TRERF1: variants seen among roughly 807,000 people sequenced by gnomAD.
TRERF1 encodes the protein transcriptional-regulating factor 1.
Under a neutral mutation model 122.9 loss-of-function variants are expected in TRERF1, and 27 were observed. That is an observed-to-expected ratio of 0.22 (90% CI 0.16 to 0.30). The LOEUF is 0.30. TRERF1 is among the 10% of genes least tolerant of loss of function. The pLI is 1.00. For missense variants in TRERF1, 1,248 were observed against 1,560.3 expected, an observed-to-expected ratio of 0.80 and a Z score of 3.37; for synonymous variants, 636 against 641.7, an observed-to-expected ratio of 0.99 and a Z score of 0.13.
Position 42,393,574 on chromosome 6 carries a change from C to G in TRERF1, c.-453-30495G>C, listed in dbSNP as rs73733174. Among the ~76,000 whole-genome samples the G allele has an allele frequency of 0.033, 4,965 of 152,306 alleles. 215 individuals carry two copies. Among genetic ancestry groups the G allele is most frequent in the East Asian group, 0.11 (594 of 5,182 alleles). On this transcript the variant is annotated intron_variant, in intron 2 of 17. Coordinates refer to ENST00000372922, the Ensembl canonical transcript of TRERF1. The surrounding 1 kb of genome is among the most constrained non-coding windows in gnomAD (Gnocchi z 4.1). ...TGGCAAAACCTGAAACTAATGCAAC[C>G]ATTTAGTTCAGTGTGCTTCACCAGA...
At chr6:42,389,824 C>G (rs570364839) in intron 2 of TRERF1, among the ~76,000 whole-genome samples, 80 of 152,320 alleles carry the variant, frequency 5.3e-4, no homozygotes, top group African/African-American at 1.7e-3. Flanking sequence ...CTAAAATATC[C>G]CAAGAGGGAG....
chr6:42,337,344 A>G (rs933202723), intron 3 of TRERF1, among the ~76,000 whole-genome samples: 2 of 152,202 alleles, frequency 1.3e-5, no homozygotes, highest in African/African-American at 4.8e-5. Context: ...ACTCTTGGAA[A>G]AGCCAGGCTC....
chr6:42,307,685 G>T (rs1209904715), intron 3 of TRERF1, among the ~76,000 whole-genome samples: 2 of 135,124 alleles, frequency 1.5e-5, no homozygotes, highest in East Asian at 2.1e-4. Flanking sequence ...AGAGGTAAAT[G>T]TATGAAAAAA....
At chr6:42,387,167 A>T (rs1324642790) in intron 2 of TRERF1, among the ~76,000 whole-genome samples, 4 of 152,252 alleles carry the variant, frequency 2.6e-5, no homozygotes, top group Non-Finnish European at 4.4e-5. Flanking sequence ...ATTAAGTCTA[A>T]TTTAACAAAG....
intron 2 of TRERF1, among the ~76,000 whole-genome samples, chr6:42,406,264 C>G (rs987739582): frequency 4.6e-5 from 7 of 152,188 alleles, no homozygotes; most frequent in Admixed American, 2.6e-4. Context: ...CAGTCAGACC[C>G]CCTTCCTGGT....
chr6:42,263,381 G>A lies in TRERF1; in HGVS notation c.1823C>T (p.Ala608Val). Residue 608 changes from alanine to valine, a missense_variant, in exon 8 of 18, where the codon GCC becomes GTC. Coordinates refer to ENST00000372922, the Ensembl canonical transcript of TRERF1. The surrounding 1 kb of genome is among the most constrained non-coding windows in gnomAD (Gnocchi z 5.6). ...TGGCTTGTCTCTGGCGGAGGGGGCG[G>A]CAACGGTGCTGTTGGTGAACCCCTG... The A allele has an allele frequency of 6.2e-7, 1 of 1,612,898 alleles. No homozygotes were observed. The highest frequency in any genetic ancestry group is 2.2e-5 in the East Asian group (1 of 44,848).
intron 2 of TRERF1, among the ~76,000 whole-genome samples, chr6:42,368,951 A>G (rs955899981): frequency 3.3e-5 from 5 of 152,148 alleles, no homozygotes; most frequent in Non-Finnish European, 7.4e-5. Context: ...GGCTAAAATG[A>G]GCAATTAAGA....
At chr6:42,412,086 C>T (rs539722309) in intron 2 of TRERF1, among the ~76,000 whole-genome samples, 184 of 150,920 alleles carry the variant, frequency 1.2e-3, no homozygotes, top group Middle Eastern at 6.8e-3. Context: ...CCACAAACTC[C>T]GCCTCCCGGG....
intron 4 of TRERF1, among the ~76,000 whole-genome samples, chr6:42,278,994 G>A (rs550351843): frequency 3.3e-5 from 5 of 152,144 alleles, no homozygotes; most frequent in Admixed American, 2.0e-4. Context: ...TCTATGCCAG[G>A]GCTGCTAGGG....
chr6:42,382,165 C>T (rs1442509053), intron 2 of TRERF1, among the ~76,000 whole-genome samples: 2 of 151,262 alleles, frequency 1.3e-5, no homozygotes, highest in East Asian at 2.0e-4. Context: ...GGTGTTTCTA[C>T]GGTTCCTCGG....
At chr6:42,280,158 C>A (rs2150034713) in intron 4 of TRERF1, among the ~76,000 whole-genome samples, 2 of 152,186 alleles carry the variant, frequency 1.3e-5, no homozygotes, top group Non-Finnish European at 2.9e-5. Flanking sequence ...CGGTCCCAAG[C>A]TTTTCGCTTT....
chr6:42,227,509 T>G (rs1769710871), exon 18 of TRERF1: 1 of 152,222 alleles, frequency 6.6e-6, no homozygotes, highest in Non-Finnish European at 1.5e-5. Context: ...CACCCTGAAG[T>G]GAAAGCAGTC....
intron 8 of TRERF1, among the ~76,000 whole-genome samples, chr6:42,262,403 C>G (rs1778108161): frequency 7.1e-6 from 1 of 141,484 alleles, no homozygotes; most frequent in Non-Finnish European, 1.5e-5. Flanking sequence ...TTTGATATTG[C>G]CAACCACACA....
chr6:42,444,822 G>C (rs1022851884), intron 2 of TRERF1, among the ~76,000 whole-genome samples: 3 of 151,936 alleles, frequency 2.0e-5, no homozygotes, highest in African/African-American at 7.3e-5. Flanking sequence ...TCTGCTCCTC[G>C]CCTTTCATCA....
chr6:42,305,135 C>T (rs1002844008), intron 3 of TRERF1, among the ~76,000 whole-genome samples: 4 of 152,174 alleles, frequency 2.6e-5, no homozygotes, highest in Non-Finnish European at 4.4e-5. Flanking sequence ...GTGAGGAAGC[C>T]GAGGTCTGAT....
intron 3 of TRERF1, among the ~76,000 whole-genome samples, chr6:42,341,748 C>A (rs1767334134): frequency 6.6e-6 from 1 of 152,218 alleles, no homozygotes; most frequent in Admixed American, 6.5e-5. Context: ...AAATGACCAG[C>A]AGTCCCAAAG....
intron 3 of TRERF1, among the ~76,000 whole-genome samples, chr6:42,311,815 A>G (rs1431887987): frequency 1.3e-5 from 2 of 148,578 alleles, no homozygotes; most frequent in Non-Finnish European, 3.0e-5. Flanking sequence ...TTGTGAGCAG[A>G]GGAGAGATGG....
intron 3 of TRERF1, among the ~76,000 whole-genome samples, chr6:42,311,592 G>A (rs535718905): frequency 4.5e-4 from 69 of 151,794 alleles, no homozygotes; most frequent in Middle Eastern, 3.4e-3. Flanking sequence ...ATGAAACCCC[G>A]TCTCTACTAA....
At chr6:42,271,335 G>A (rs959914879) in intron 4 of TRERF1, among the ~76,000 whole-genome samples, 2 of 152,038 alleles carry the variant, frequency 1.3e-5, no homozygotes, top group African/African-American at 4.8e-5. Flanking sequence ...AACTTCTCAT[G>A]TACTACACCA....
Sources: gnomAD v4.1 joint callset for allele counts (sites outside exome capture counted in the v4.1 genomes callset) on GRCh38, gnomAD v4.1.1 for gene constraint, Gnocchi (gnomAD v3.1) non-coding constraint, MANE v1.5 for transcripts, NCBI Gene and HGNC (gene_info 2026-07-23, HGNC 2026-07-21) for gene names.